The following INTS6L variants were observed in gnomAD, a reference collection of about 807,000 sequenced individuals.
The protein encoded by INTS6L is integrator complex subunit 6 like.
Under a neutral mutation model 64.7 loss-of-function variants are expected in INTS6L, and 18 were observed. The observed-to-expected ratio is 0.28, with a 90% CI of 0.19 to 0.41. The LOEUF (loss-of-function observed/expected upper bound fraction) is 0.41. Among genes scored for constraint, INTS6L ranks in the 10% least tolerant of loss-of-function variants. INTS6L has a pLI of 1.00. For missense variants in INTS6L, 533 were observed against 661.0 expected (o/e 0.81, Z 2.12); for synonymous variants, 227 against 235.9 (o/e 0.96, Z 0.34).
intron 8 of INTS6L, among the ~76,000 whole-genome samples, chrX:135,553,591 C>T (rs919869203): frequency 3.7e-5 from 4 of 107,829 alleles, no homozygotes; most frequent in African/African-American, 1.0e-4. Context: ...CCCAGAGTGC[C>T]GGGATGATGG....
At position 135,569,580 on chromosome X, in the gene INTS6L, A is replaced by G. The variant is rs1602993325; in HGVS notation, c.1287+149A>G. The stretch of plus-strand genomic sequence containing the variant: ...TGTGTCGTCACTGTCTTCTCAAATC[A>G]TGTGTAAGAGTTTGGAGATGTCATG... On this transcript the variant is annotated intron_variant, in intron 10 of 17. Transcript: ENST00000639893. 10 of 320,519 alleles carry G rather than the reference A, an allele frequency of 3.1e-5. No individual in the cohort carries two copies. The South Asian group carries it at 1.3e-3, about 41-fold the overall frequency. The allele number at this position is 320,519 out of a possible 1,213,427, so 26.4% of individuals were successfully genotyped here.
At chrX:135,526,763 G>A (rs1218840030) in intron 2 of INTS6L, among the ~76,000 whole-genome samples, 1 of 111,227 alleles carries the variant, frequency 9.0e-6, no homozygotes, top group African/African-American at 3.3e-5. Context: ...AGTACCTAAG[G>A]GGGTGTTTAG....
At chrX:135,541,866 C>T (rs2086227827) in intron 2 of INTS6L, among the ~76,000 whole-genome samples, 1 of 112,371 alleles carries the variant, frequency 8.9e-6, no homozygotes, top group Non-Finnish European at 1.9e-5. Context: ...TAACTCTAAG[C>T]AATGAATGGA....
intron 2 of INTS6L, among the ~76,000 whole-genome samples, chrX:135,527,590 A>G (rs2085775832): frequency 8.9e-6 from 1 of 112,339 alleles, no homozygotes; most frequent in Non-Finnish European, 1.9e-5. Flanking sequence ...TTAAGACTGG[A>G]CCACAGAAAG....
intron 12 of INTS6L, 34 bp from the exon 13 acceptor site, chrX:135,573,905 G>A: frequency 8.6e-7 from 1 of 1,167,784 alleles, no homozygotes; most frequent in East Asian, 3.0e-5. Flanking sequence ...AAAGCCTTAG[G>A]AGTAACTGAA....
chrX:135,539,778 C>G (rs1556511734), intron 2 of INTS6L, among the ~76,000 whole-genome samples: 2 of 111,410 alleles, frequency 1.8e-5, no homozygotes, highest in African/African-American at 6.5e-5. Flanking sequence ...TGTTGTGTCT[C>G]AAGGAATAGG....
intron 2 of INTS6L, among the ~76,000 whole-genome samples, chrX:135,536,112 G>C (rs1328294204): frequency 9.0e-6 from 1 of 111,696 alleles, no homozygotes; most frequent in Non-Finnish European, 1.9e-5. Context: ...CAGTGCAGTG[G>C]CTCAGCACCA....
At chrX:135,580,956 C>T (rs937288593) in intron 16 of INTS6L, 94 bp from the exon 17 acceptor site, 9 of 617,735 alleles carry the variant, frequency 1.5e-5, no homozygotes, top group Non-Finnish European at 2.1e-5. Flanking sequence ...TAACTTTCCA[C>T]TCACGAAGAA....
chrX:135,577,220 T>A lies in INTS6L; in HGVS notation c.1912T>A (p.Phe638Ile). The A allele has an allele frequency of 8.3e-7, 1 of 1,210,771 alleles. No individual in the cohort carries two copies. The highest frequency in any genetic ancestry group is 1.1e-6 in the Non-Finnish European group (1 of 895,217). The part of the protein sequence containing the change: ...KGMMIDEADE[F>I]VAGPQNKVKR... ...AATGATGATTGATGAAGCAGATGAG[T>A]TTGTAGCAGGGCCACAAAACAAAGT... The change falls in exon 15 of 18, where the codon TTT becomes ATT. Residue 638 changes from phenylalanine (F) to isoleucine (I), a missense_variant. By Grantham distance (21) the Phe-to-Ile change is conservative. Coordinates refer to ENST00000639893, the MANE Select transcript of INTS6L (RefSeq NM_001351601.3).
chrX:135,572,854 A>G lies in INTS6L; in HGVS notation c.1438A>G (p.Lys480Glu), dbSNP rs1184065531. ...AGAACGAATACTAGCATCAGTGGGGAAGAAACCTCCCCAGGAAATTGGAAT... is the reference window on the plus strand; with the variant it reads ...AGAACGAATACTAGCATCAGTGGGGGAGAAACCTCCCCAGGAAATTGGAAT... The part of the protein sequence containing the change: ...ESERILASVG[K>E]KPPQEIGIKV... The change falls in exon 12 of 18, where the codon AAG becomes GAG. Residue 480 changes from lysine (K) to glutamate (E), a missense_variant. Physicochemically the swap from Lys to Glu is moderately conservative, Grantham distance 56. Coordinates refer to ENST00000639893, the MANE Select transcript of INTS6L (RefSeq NM_001351601.3). 8.3e-7 allele frequency: 1 copy of G among 1,209,749 alleles called. No individual in the cohort carries two copies.
intron 12 of INTS6L, 91 bp from the exon 13 acceptor site, chrX:135,573,848 C>T: frequency 9.9e-7 from 1 of 1,006,657 alleles, no homozygotes; most frequent in Non-Finnish European, 1.3e-6. Context: ...TGATATAACA[C>T]TCTTCAATAA....
chrX:135,555,179 G>A (rs899344613), intron 8 of INTS6L, among the ~76,000 whole-genome samples: 5 of 111,479 alleles, frequency 4.5e-5, no homozygotes, highest in African/African-American at 1.6e-4. Context: ...GTGAGCCACC[G>A]CACTCAGCCA....
intron 17 of INTS6L, 135 bp from the exon 18 acceptor site, chrX:135,581,393 G>A: frequency 1.9e-6 from 1 of 532,090 alleles, no homozygotes; most frequent in Non-Finnish European, 3.0e-6. Flanking sequence ...CTTGCTCTAA[G>A]ACATATCTTT....
Position 135,547,263 on chromosome X carries a change from A to G in INTS6L, c.740A>G (p.Glu247Gly). The change falls in exon 6 of 18, where the codon GAA becomes GGA. Residue 247 changes from glutamate (E) to glycine (G), a missense_variant and splice_region_variant. By Grantham distance (98) the Glu-to-Gly change is moderately conservative. Coordinates refer to ENST00000639893, the MANE Select transcript of INTS6L (RefSeq NM_001351601.3). ...GGACCAGATCCACTTCCTATTGGAGAAGGTATAGTAGATAACTTTTTTAAC... is the reference window on the plus strand; with the variant it reads ...GGACCAGATCCACTTCCTATTGGAGGAGGTATAGTAGATAACTTTTTTAAC... ...KTGPDPLPIG[E>G]DGLMDSSRPS... is the part of the protein sequence containing the mutation. 6.6e-6 allele frequency: 8 copies of G among 1,203,768 alleles called. No homozygotes were observed. The highest frequency in any genetic ancestry group is 9.0e-6 in the Non-Finnish European group (8 of 892,967).
At position 135,533,672 on chromosome X, in the gene INTS6L, G is replaced by C. The variant is rs144371382; in HGVS notation, c.190-11751G>C. Among the ~76,000 whole-genome samples the C allele has an allele frequency of 6.7e-3, 749 of 111,068 alleles. 5 individuals are homozygous for C. Among genetic ancestry groups the C allele is most frequent in the African/African-American group, 0.022 (678 of 30,440 alleles). ...GGAAAGAGGTGCTGTGTAATCTTCA[G>C]AACGTAATAAATGGCCATTCTGCTA... is the stretch of plus-strand genomic sequence containing the variant. On this transcript the variant is annotated intron_variant, in intron 2 of 17. Coordinates refer to ENST00000639893, the MANE Select transcript of INTS6L (RefSeq NM_001351601.3).
intron 13 of INTS6L, 138 bp downstream of exon 13, chrX:135,574,200 A>G (rs2087164578): frequency 2.4e-5 from 17 of 721,021 alleles, no homozygotes; most frequent in Non-Finnish European, 3.0e-5. Context: ...CTGAATCCCT[A>G]TGTCTGTTTA....
intron 7 of INTS6L, among the ~76,000 whole-genome samples, chrX:135,550,879 G>A (rs1320333367): frequency 6.3e-5 from 7 of 111,529 alleles, no homozygotes; most frequent in African/African-American, 2.3e-4. Context: ...CTTCATTTTT[G>A]CTAGCAACAA....
intron 9 of INTS6L, among the ~76,000 whole-genome samples, chrX:135,564,308 G>C (rs1394748963): frequency 1.8e-5 from 2 of 110,175 alleles, no homozygotes; most frequent in African/African-American, 6.6e-5. Flanking sequence ...TTCTTTGCAT[G>C]TGTTTTCATT....
chrX:135,567,342 A>G (rs1010111125), intron 9 of INTS6L, among the ~76,000 whole-genome samples: 1 of 111,605 alleles, frequency 9.0e-6, no homozygotes, highest in Non-Finnish European at 1.9e-5. Context: ...TTTATGTGAC[A>G]CCTTTACTGT....
Sources: allele counts gnomAD v4.1 joint callset (sites outside exome capture counted in the v4.1 genomes callset), GRCh38; gene constraint gnomAD v4.1.1; transcripts MANE v1.5; gene names NCBI Gene and HGNC (gene_info 2026-07-23, HGNC 2026-07-21).